CAGE1: variants seen among roughly 807,000 people sequenced by gnomAD.
CAGE1 encodes the protein cancer-associated gene 1 protein.
CAGE1 carries 66 observed loss-of-function variants against 94.9 expected under a neutral mutation model. The observed-to-expected ratio is 0.70, with a 90% confidence interval of 0.57 to 0.85. The LOEUF is 0.85. Ranked by LOEUF, CAGE1 falls within the 40% of genes least tolerant of loss-of-function variation. The pLI is 0.00. For synonymous variants in CAGE1, 319 were observed against 321.0 expected (o/e 0.99, Z 0.07); for missense variants, 865 against 950.4 (o/e 0.91, Z 1.18).
intron 11 of CAGE1, chr6:7,341,064 G>T: frequency 2.0e-6 from 1 of 509,512 alleles, no homozygotes. Context: ...AGATATAGAG[G>T]CCAGAGCTGC....
chr6:7,355,084 A>G lies in CAGE1; in HGVS notation c.2326T>C (p.Cys776Arg), dbSNP rs938707436. 3 of 1,608,890 alleles carry G rather than the reference A, an allele frequency of 1.9e-6. No individual in the cohort carries two copies. The highest frequency in any genetic ancestry group is 2.5e-6 in the Non-Finnish European group (3 of 1,177,278). The change falls in exon 11 of 14, where the codon TGT becomes CGT. Residue 776 changes from cysteine to arginine, a missense_variant. Cys to Arg is a radical substitution (Grantham distance 180). Transcript: ENST00000502583. ...GATATTGCAAGCCTTTGGTCAGCACATTCAATGATTTCTTCATATGATGTA... is the reference window on the plus strand; with the variant it reads ...GATATTGCAAGCCTTTGGTCAGCACGTTCAATGATTTCTTCATATGATGTA... The part of the protein sequence containing the change: ...KVTSYEEIIE[C>R]ADQRLAISHS...
At chr6:7,386,143 G>A (rs1220212534) in intron 2 of CAGE1, among the ~76,000 whole-genome samples, 3 of 151,894 alleles carry the variant, frequency 2.0e-5, no homozygotes, top group Non-Finnish European at 4.4e-5. Context: ...ATAAACTTAG[G>A]GATACGTGAT....
chr6:7,375,697 CAG>C (rs1299017295), intron 4 of CAGE1, among the ~76,000 whole-genome samples: 1 of 152,114 alleles, frequency 6.6e-6, no homozygotes, highest in Admixed American at 6.6e-5. Flanking sequence ...ATCTGAGTAA[CAG>C]AGCAAGACAC....
intron 11 of CAGE1, chr6:7,341,030 C>A: frequency 2.1e-6 from 1 of 466,758 alleles, no homozygotes. Context: ...GTACAGGGAT[C>A]CAGGTACTTT....
intron 9 of CAGE1, among the ~76,000 whole-genome samples, chr6:7,360,874 G>A (rs2113422887): frequency 6.6e-6 from 1 of 152,004 alleles, no homozygotes. Context: ...TTGAACCCGG[G>A]AGGTGGAGGT....
In CAGE1 at chr6:7,373,387, C is replaced by CT; in HGVS notation, c.1431dup (p.Glu478ArgfsTer18). 1 of 1,613,776 alleles carries CT rather than the reference C, an allele frequency of 6.2e-7. No homozygotes were observed. The highest frequency in any genetic ancestry group is 8.5e-7 in the Non-Finnish European group (1 of 1,179,828). On this transcript the variant is annotated frameshift_variant, in exon 5 of 14. Transcript: ENST00000502583. LOFTEE classifies it high-confidence loss of function. Reference sequence around the variant, plus strand: ...GACAAGAACTCTTGTTCTTGGGCCTCTTTTTCCCGTTTCAACAAGTCCAAA... The same window carrying CT: ...GACAAGAACTCTTGTTCTTGGGCCTCTTTTTTCCCGTTTCAACAAGTCCAAA...
chr6:7,345,809 C>T (rs1462916831), intron 11 of CAGE1, among the ~76,000 whole-genome samples: 1 of 152,188 alleles, frequency 6.6e-6, no homozygotes, highest in South Asian at 2.1e-4. Context: ...CCCATAGTCC[C>T]AGCTACTTGG....
At chr6:7,329,936 T>C (rs9379089) in intron 12 of CAGE1, 48 bp from the exon 13 acceptor site, 51,967 of 791,214 alleles carry the variant, frequency 0.066, 2,505 homozygotes, top group East Asian at 0.19. Flanking sequence ...AAGGGGGGAC[T>C]GAAATAGTGA....
At chr6:7,341,345 A>G (rs1759166754) in intron 11 of CAGE1, 3 of 715,594 alleles carry the variant, frequency 4.2e-6, no homozygotes, top group Non-Finnish European at 7.5e-6. Context: ...CCCAGATCAC[A>G]TGGGTCCTGT....
In CAGE1 at chr6:7,389,691, T is replaced by C; in HGVS notation, c.-513A>G. ...GTGCCGGCTACTCAACACGCCTTCC[T>C]GAGAGCACAGAACATCCACAGCCCT... On this transcript the variant is annotated 5_prime_UTR_variant, in exon 1 of 14. Coordinates refer to ENST00000502583, the MANE Select transcript of CAGE1 (RefSeq NM_001170692.2). 1 of 469,574 alleles carries C rather than the reference T, an allele frequency of 2.1e-6. No individual in the cohort carries two copies. Among genetic ancestry groups the C allele is most frequent in the Non-Finnish European group, 3.9e-6 (1 of 256,660 alleles). 29.1% of individuals were successfully genotyped at this position (469,574 alleles called of 1,614,324 possible).
In CAGE1 at chr6:7,356,030, T is replaced by C. The variant is rs551603068; in HGVS notation, c.2293A>G (p.Lys765Glu). Residue 765 changes from lysine (K) to glutamate (E), a missense_variant, in exon 10 of 14, where the codon AAG (lysine) becomes GAG (glutamate). Coordinates refer to ENST00000502583, the MANE Select transcript of CAGE1 (RefSeq NM_001170692.2). ...KYQRHLGNLI[K>E]KVTSYEEIIE... is the part of the protein sequence containing the mutation. ...AAAGAAAAAAAAATGTCTACCTTCTTTATTAAGTTGCCTAAATGTCTTTGA... is the reference window on the plus strand; with the variant it reads ...AAAGAAAAAAAAATGTCTACCTTCTCTATTAAGTTGCCTAAATGTCTTTGA... 1 of 1,523,850 alleles carries C rather than the reference T, an allele frequency of 6.6e-7. No homozygotes were observed. Among genetic ancestry groups the C allele is most frequent in the Admixed American group, 2.0e-5 (1 of 50,868 alleles). The allele number at this position is 1,523,850 out of a possible 1,614,324, so 94.4% of individuals were successfully genotyped here.
At chr6:7,345,070 C>G (rs995450563) in intron 11 of CAGE1, among the ~76,000 whole-genome samples, 15 of 151,956 alleles carry the variant, frequency 9.9e-5, no homozygotes, top group South Asian at 4.2e-4. Context: ...GTGTTGAAAG[C>G]TTTGTTCTTT....
At chr6:7,372,671 C>CT (rs1214632875) in intron 5 of CAGE1, among the ~76,000 whole-genome samples, 1 of 151,770 alleles carries the variant, frequency 6.6e-6, no homozygotes, top group African/African-American at 2.4e-5. Flanking sequence ...TTTCTTTTTT[C>CT]TTTTTTTCTT....
intron 11 of CAGE1, among the ~76,000 whole-genome samples, chr6:7,350,944 T>C (rs1759745231): frequency 6.6e-6 from 1 of 151,766 alleles, no homozygotes; most frequent in South Asian, 2.1e-4. Flanking sequence ...AAACAAAAAA[T>C]ACAATACAAA....
At chr6:7,365,743 T>C (rs1294779917) in intron 8 of CAGE1, 61 bp downstream of exon 8, 4 of 1,349,680 alleles carry the variant, frequency 3.0e-6, no homozygotes, top group Non-Finnish European at 4.1e-6. Flanking sequence ...CAAAAGAACA[T>C]AAATACCTGA....
rs1759101435 is a variant in CAGE1, at chr6:7,339,821, G to C, written c.2370-5731C>G. ...CAATTTCTTTATCCATTCATTGATTGATGGGCATTTGGGCTGGTTCCATAT... is the reference window on the plus strand; with the variant it reads ...CAATTTCTTTATCCATTCATTGATTCATGGGCATTTGGGCTGGTTCCATAT... On this transcript the variant is annotated intron_variant, in intron 11 of 13. Coordinates refer to ENST00000502583, the MANE Select transcript of CAGE1 (RefSeq NM_001170692.2). The surrounding 1 kb of genome is among the most constrained non-coding windows in gnomAD (Gnocchi z 4.7). Among the ~76,000 whole-genome samples, 1 of 152,182 alleles carries C rather than the reference G, an allele frequency of 6.6e-6. No homozygotes were observed. Among genetic ancestry groups the C allele is most frequent in the South Asian group, 2.1e-4 (1 of 4,834 alleles).
At chr6:7,376,108 G>GGCT (rs1157729347) in intron 4 of CAGE1, among the ~76,000 whole-genome samples, 11 of 152,082 alleles carry the variant, frequency 7.2e-5, no homozygotes, top group African/African-American at 2.4e-4. Context: ...TGAGTTTGGG[G>GGCT]GCTGGGAGTG....
At chr6:7,371,712 G>A (rs1367012079) in intron 5 of CAGE1, among the ~76,000 whole-genome samples, 7 of 152,082 alleles carry the variant, frequency 4.6e-5, no homozygotes, top group East Asian at 1.9e-4. Context: ...GCTTGAACCC[G>A]GGAGGCAGAG....
At chr6:7,372,468 CAA>C (rs71542850) in intron 5 of CAGE1, among the ~76,000 whole-genome samples, 16 of 114,584 alleles carry the variant, frequency 1.4e-4, no homozygotes, top group Non-Finnish European at 1.5e-4. Flanking sequence ...AATACTGTCT[CAA>C]AAAAAAAAAA....
Sources: gnomAD v4.1 joint callset for allele counts (sites outside exome capture counted in the v4.1 genomes callset) on GRCh38, gnomAD v4.1.1 for gene constraint, Gnocchi (gnomAD v3.1) non-coding constraint, MANE v1.5 for transcripts, NCBI Gene and HGNC (gene_info 2026-07-23, HGNC 2026-07-21) for gene names.